The following TOM1L2 variants were observed in gnomAD, a reference collection of about 807,000 sequenced individuals.
TOM1L2 encodes the protein target of myb1 like 2 membrane trafficking protein, also known as TOM1-like protein 2.
Under a neutral mutation model 67.9 loss-of-function variants are expected in TOM1L2, and 31 were observed. The ratio of observed to expected loss-of-function variants is 0.46; its 90% CI spans 0.34 to 0.62. The LOEUF (loss-of-function observed/expected upper bound fraction) is 0.62, where lower values mean the gene tolerates loss of function less well. Among genes scored for constraint, TOM1L2 ranks in the 20% least tolerant of loss-of-function variants. The pLI, the probability that TOM1L2 is intolerant of heterozygous loss-of-function variation, is 0.01. For synonymous variants in TOM1L2, 256 were observed against 254.0 expected (o/e 1.01, Z -0.07); for missense variants, 606 against 663.5 (o/e 0.91, Z 0.95).
chr17:17,917,809 G>T (rs1475228512), intron 1 of TOM1L2, among the ~76,000 whole-genome samples: 1 of 151,890 alleles, frequency 6.6e-6, no homozygotes, highest in African/African-American at 2.4e-5. Context: ...TTAAAAATTA[G>T]CCAGGAGTGG....
chr17:17,959,166 C>T (rs745964947), intron 1 of TOM1L2, among the ~76,000 whole-genome samples: 2 of 152,146 alleles, frequency 1.3e-5, no homozygotes, highest in Non-Finnish European at 2.9e-5. Flanking sequence ...GAAGGCATCA[C>T]GGGAATCCCC....
At position 17,852,230 on chromosome 17, in the gene TOM1L2, G is replaced by A. The variant is rs138397907; in HGVS notation, c.1279-1278C>T. 1.9e-3 allele frequency among the ~76,000 whole-genome samples: 287 copies of A among 152,274 alleles called. No homozygotes were observed. The Middle Eastern group carries it at 0.027, about 14-fold the overall frequency. On this transcript the variant is annotated intron_variant, in intron 12 of 14. Transcript: ENST00000379504. ...GTCTATCAAATGTAAAAAATAACAC[G>A]ACCTTCACAAAGAAAAAGAACAAAG...
chr17:17,896,432 C>T (rs1464320935), intron 3 of TOM1L2, among the ~76,000 whole-genome samples: 1 of 152,122 alleles, frequency 6.6e-6, no homozygotes, highest in Admixed American at 6.5e-5. Flanking sequence ...AACCACTGCC[C>T]GCCATTAGGG....
At chr17:17,849,776 GT>G (rs1223085627) in intron 13 of TOM1L2, among the ~76,000 whole-genome samples, 1 of 152,186 alleles carries the variant, frequency 6.6e-6, no homozygotes, top group Non-Finnish European at 1.5e-5. Context: ...GGACCCTGGG[GT>G]CCCCCTTAGA....
At chr17:17,868,221 G>A (rs1401306724) in intron 8 of TOM1L2, among the ~76,000 whole-genome samples, 1 of 152,204 alleles carries the variant, frequency 6.6e-6, no homozygotes, top group African/African-American at 2.4e-5. Flanking sequence ...CTGATGCACT[G>A]GGGGGTCCTG....
At chr17:17,885,652 C>CG (rs2037955856) in intron 4 of TOM1L2, among the ~76,000 whole-genome samples, 1 of 152,010 alleles carries the variant, frequency 6.6e-6, no homozygotes, top group South Asian at 2.1e-4. Flanking sequence ...GGGCTGGGTG[C>CG]GGTGGCTCAT....
chr17:17,890,852 C>T (rs1337430785), intron 4 of TOM1L2, among the ~76,000 whole-genome samples: 1 of 152,108 alleles, frequency 6.6e-6, no homozygotes, highest in African/African-American at 2.4e-5. Context: ...TATTATAATT[C>T]AATTAAAAGT....
intron 8 of TOM1L2, among the ~76,000 whole-genome samples, chr17:17,867,569 C>T (rs1332719360): frequency 1.3e-5 from 2 of 151,916 alleles, no homozygotes; most frequent in Non-Finnish European, 2.9e-5. Flanking sequence ...AGGTGGGGAA[C>T]GGAAGAGTAG....
chr17:17,901,486 T>C (rs1395354910), intron 2 of TOM1L2, among the ~76,000 whole-genome samples: 2 of 152,186 alleles, frequency 1.3e-5, no homozygotes, highest in Non-Finnish European at 2.9e-5. Flanking sequence ...CCTAGACTTA[T>C]AAGAACTCTT....
intron 1 of TOM1L2, among the ~76,000 whole-genome samples, chr17:17,965,773 G>A (rs968207729): frequency 2.0e-5 from 3 of 152,196 alleles, no homozygotes; most frequent in Non-Finnish European, 2.9e-5. Context: ...GATGTATAAA[G>A]TGCCCACTTC....
intron 7 of TOM1L2, among the ~76,000 whole-genome samples, chr17:17,874,895 T>C (rs760831811): frequency 6.6e-6 from 1 of 152,168 alleles, no homozygotes; most frequent in Non-Finnish European, 1.5e-5. Context: ...ACATCAGGGA[T>C]TTCCAGGGGT....
At chr17:17,932,399 G>C (rs1055828154) in intron 1 of TOM1L2, among the ~76,000 whole-genome samples, 2 of 152,066 alleles carry the variant, frequency 1.3e-5, no homozygotes, top group Non-Finnish European at 2.9e-5. Flanking sequence ...CAAAGTGCTG[G>C]GATTACAGGT....
chr17:17,919,856 C>T (rs2039782089), intron 1 of TOM1L2, among the ~76,000 whole-genome samples: 1 of 152,166 alleles, frequency 6.6e-6, no homozygotes, highest in South Asian at 2.1e-4. Context: ...ACCCTACCAT[C>T]CCACGCCCCA....
At chr17:17,968,664 CAA>C (rs11298542) in intron 1 of TOM1L2, among the ~76,000 whole-genome samples, 152 of 115,850 alleles carry the variant, frequency 1.3e-3, no homozygotes, top group South Asian at 2.2e-3. Context: ...GACTCCATCT[CAA>C]AAAAAAAAAA....
chr17:17,878,612 G>A (rs183305989), intron 7 of TOM1L2, among the ~76,000 whole-genome samples: 142 of 152,370 alleles, frequency 9.3e-4, no homozygotes, highest in Admixed American at 4.0e-3. Context: ...GGTAGAAGGT[G>A]TAGCACTTGG....
intron 11 of TOM1L2, chr17:17,862,275 C>A (rs1462219171): frequency 6.5e-6 from 1 of 154,052 alleles, no homozygotes; most frequent in Non-Finnish European, 1.4e-5. Flanking sequence ...CCAGATGGCT[C>A]ATCCTAGCCA....
intron 7 of TOM1L2, among the ~76,000 whole-genome samples, chr17:17,872,625 G>C (rs1160282421): frequency 6.6e-6 from 1 of 152,254 alleles, no homozygotes; most frequent in Non-Finnish European, 1.5e-5. Context: ...GGGCCACCGT[G>C]CGGGTCTCCT....
At position 17,952,371 on chromosome 17, in the gene TOM1L2, A is replaced by ATTTTC. The variant is rs1568367542; in HGVS notation, c.52+19886_52+19890dup. On this transcript the variant is annotated intron_variant, in intron 1 of 14. Coordinates refer to ENST00000379504, the MANE Select transcript of TOM1L2 (RefSeq NM_001082968.2). ...CTCTTTATACAGTAAGTGCTTCTTT[A>ATTTTC]TTTTCTTTTTTTTTTTTTTTTTTTT... 2.6e-3 allele frequency among the ~76,000 whole-genome samples: 82 copies of ATTTTC among 31,114 alleles called. 23 individuals are homozygous for ATTTTC. Among genetic ancestry groups the ATTTTC allele is most frequent in the South Asian group, 3.0e-3 (2 of 664 alleles). 20.4% of individuals were successfully genotyped at this position (31,114 alleles called of 152,430 possible). A position where few individuals can be genotyped will look rare whatever the true frequency, so the allele number is the denominator to read the frequency against.
At chr17:17,929,935 T>C (rs2040257373) in intron 1 of TOM1L2, among the ~76,000 whole-genome samples, 1 of 152,192 alleles carries the variant, frequency 6.6e-6, no homozygotes, top group African/African-American at 2.4e-5. Context: ...ATGAGTGAGG[T>C]ACTACAGAGA....
Sources: gnomAD v4.1 joint callset for allele counts (sites outside exome capture counted in the v4.1 genomes callset) on GRCh38, gnomAD v4.1.1 for gene constraint, MANE v1.5 for transcripts, NCBI Gene and HGNC (gene_info 2026-07-23, HGNC 2026-07-21) for gene names.